Variants in ADAMTS3 observed in about 807,000 individuals in gnomAD.
ADAMTS3 encodes the protein ADAM metallopeptidase with thrombospondin type 1 motif 3, also known as A disintegrin and metalloproteinase with thrombospondin motifs 3.
In ADAMTS3, 73 loss-of-function variants were observed where a neutral mutation model predicts 129.0. The observed-to-expected ratio is 0.57, with a 90% confidence interval of 0.47 to 0.69. The LOEUF (loss-of-function observed/expected upper bound fraction) is 0.69. Among genes scored for constraint, ADAMTS3 ranks in the 30% least tolerant of loss-of-function variants. ADAMTS3 has a pLI of 0.00. For synonymous variants in ADAMTS3, 477 were observed against 510.8 expected (o/e 0.93, Z 0.89); for missense variants, 1,457 against 1,514.5 (o/e 0.96, Z 0.63).
intron 3 of ADAMTS3, among the ~76,000 whole-genome samples, chr4:72,430,321 A>T (rs1187383970): frequency 1.3e-5 from 2 of 151,998 alleles, no homozygotes; most frequent in Non-Finnish European, 2.9e-5. Context: ...CTGTGGTCTC[A>T]TGGAATACTC....
intron 5 of ADAMTS3, 27 bp from the exon 6 acceptor site, chr4:72,323,124 A>T (rs1323014824): frequency 1.9e-6 from 3 of 1,559,136 alleles, no homozygotes; most frequent in Non-Finnish European, 2.7e-6. Context: ...ATAATTGCTA[A>T]AAGAAAGGAA....
chr4:72,521,500 T>C (rs1720670732), intron 3 of ADAMTS3, among the ~76,000 whole-genome samples: 1 of 152,142 alleles, frequency 6.6e-6, no homozygotes, highest in African/African-American at 2.4e-5. Flanking sequence ...GTTTCTAGGA[T>C]TAAAAAACAT....
At chr4:72,470,643 C>A (rs1409224979) in intron 3 of ADAMTS3, among the ~76,000 whole-genome samples, 1 of 151,858 alleles carries the variant, frequency 6.6e-6, no homozygotes, top group Non-Finnish European at 1.5e-5. Context: ...TATTCTCACC[C>A]TAATATGAAG....
At position 72,397,323 on chromosome 4, in the gene ADAMTS3, G is replaced by A. The variant is rs1433194952; in HGVS notation, c.661+17492C>T. Among the ~76,000 whole-genome samples, 4 of 152,040 alleles carry A rather than the reference G, an allele frequency of 2.6e-5. No homozygotes were observed. In the East Asian group the frequency reaches 7.7e-4, roughly 29 times the overall value. On this transcript the variant is annotated intron_variant, in intron 4 of 21. Transcript: ENST00000286657. ...GCTCACACCGTAATCCTAGCACTTTGGGAGGCCGAGGTGGGTGGATCATGT... is the reference window on the plus strand; with the variant it reads ...GCTCACACCGTAATCCTAGCACTTTAGGAGGCCGAGGTGGGTGGATCATGT...
At chr4:72,523,542 C>G (rs952233215) in intron 3 of ADAMTS3, among the ~76,000 whole-genome samples, 7 of 152,036 alleles carry the variant, frequency 4.6e-5, no homozygotes, top group Middle Eastern at 3.4e-3. Context: ...TGAAACAATA[C>G]TATACATTAC....
At chr4:72,467,766 T>C (rs1718960350) in intron 3 of ADAMTS3, among the ~76,000 whole-genome samples, 1 of 152,018 alleles carries the variant, frequency 6.6e-6, no homozygotes, top group Non-Finnish European at 1.5e-5. Context: ...TGCATCACTT[T>C]ACTAGGCCCT....
At chr4:72,528,350 G>GCTT (rs1358495206) in intron 3 of ADAMTS3, among the ~76,000 whole-genome samples, 1 of 151,820 alleles carries the variant, frequency 6.6e-6, no homozygotes, top group Admixed American at 6.6e-5. Context: ...TTTCAAAGTA[G>GCTT]TTAAAAGAGA....
intron 5 of ADAMTS3, among the ~76,000 whole-genome samples, chr4:72,336,240 A>T (rs762199657): frequency 1.3e-5 from 2 of 152,094 alleles, no homozygotes; most frequent in Non-Finnish European, 2.9e-5. Context: ...AAAAGATAGA[A>T]TTTTTTGCTG....
chr4:72,529,614 A>G (rs1289298385), intron 3 of ADAMTS3, among the ~76,000 whole-genome samples: 1 of 137,622 alleles, frequency 7.3e-6, no homozygotes, highest in Non-Finnish European at 1.5e-5. Flanking sequence ...GCAGCCTGGC[A>G]GCAATAATAT....
intron 3 of ADAMTS3, among the ~76,000 whole-genome samples, chr4:72,427,533 C>T (rs956373749): frequency 1.3e-5 from 2 of 151,946 alleles, no homozygotes; most frequent in Non-Finnish European, 2.9e-5. Flanking sequence ...TTTATCAGGG[C>T]TCTCTGCTGT....
At chr4:72,491,595 C>A (rs1163228677) in intron 3 of ADAMTS3, among the ~76,000 whole-genome samples, 1 of 151,642 alleles carries the variant, frequency 6.6e-6, no homozygotes, top group Admixed American at 6.6e-5. Flanking sequence ...TGTATGTAGA[C>A]CCATCCTTGC....
intron 4 of ADAMTS3, among the ~76,000 whole-genome samples, chr4:72,413,509 A>G (rs181356302): frequency 6.6e-6 from 1 of 152,172 alleles, no homozygotes; most frequent in East Asian, 1.9e-4. Flanking sequence ...TAATGCTTCA[A>G]CTTTAACAAA....
chr4:72,341,533 G>C (rs1720137164), intron 4 of ADAMTS3, among the ~76,000 whole-genome samples: 1 of 152,188 alleles, frequency 6.6e-6, no homozygotes, highest in Non-Finnish European at 1.5e-5. Context: ...AATGTGAAAG[G>C]CTGTGATAGC....
rs193217243 is a variant in ADAMTS3 at position 72,466,456 on chromosome 4, G to T, written c.505-51485C>A. On this transcript the variant is annotated intron_variant, in intron 3 of 21. Coordinates refer to ENST00000286657, the MANE Select transcript of ADAMTS3 (RefSeq NM_014243.3). ...AACAAGACTAGATGTGAAAAACACC[G>T]TTACAGCACAAGAGATGTGAGTAGC... Among the ~76,000 whole-genome samples the T allele has an allele frequency of 2.6e-3, 400 of 152,182 alleles. 3 individuals carry two copies. Among genetic ancestry groups the T allele is most frequent in the African/African-American group, 9.4e-3 (390 of 41,542 alleles).
chr4:72,393,341 A>C (rs1433081247), intron 4 of ADAMTS3, among the ~76,000 whole-genome samples: 1 of 152,232 alleles, frequency 6.6e-6, no homozygotes, highest in East Asian at 1.9e-4. Context: ...TGGAACCAGA[A>C]TAGATAAGAT....
At chr4:72,430,747 G>T (rs577456537) in intron 3 of ADAMTS3, among the ~76,000 whole-genome samples, 1 of 150,862 alleles carries the variant, frequency 6.6e-6, no homozygotes, top group East Asian at 2.0e-4. Context: ...AAAACCATAC[G>T]TTATTTTTAA....
chr4:72,507,123 A>G (rs1214165046), intron 3 of ADAMTS3, among the ~76,000 whole-genome samples: 2 of 152,234 alleles, frequency 1.3e-5, no homozygotes, highest in African/African-American at 2.4e-5. Flanking sequence ...ATCTGCATAT[A>G]TAAGTGTGTA....
At chr4:72,362,722 T>C (rs138492934) in intron 4 of ADAMTS3, among the ~76,000 whole-genome samples, 1 of 152,150 alleles carries the variant, frequency 6.6e-6, no homozygotes, top group Admixed American at 6.6e-5. Context: ...ACCTTAATCA[T>C]GATCACTGCC....
chr4:72,342,598 C>A (rs1391761932), intron 4 of ADAMTS3, among the ~76,000 whole-genome samples: 2 of 152,078 alleles, frequency 1.3e-5, no homozygotes, highest in East Asian at 3.9e-4. Context: ...GTCTCAAACT[C>A]CTGACCTCAG....
Sources: allele counts gnomAD v4.1 joint callset (sites outside exome capture counted in the v4.1 genomes callset), GRCh38; gene constraint gnomAD v4.1.1; transcripts MANE v1.5; gene names NCBI Gene and HGNC (gene_info 2026-07-23, HGNC 2026-07-21).